Variants in LRRC4C observed in about 807,000 individuals in gnomAD.
LRRC4C encodes leucine rich repeat containing 4C, also known as leucine-rich repeat-containing protein 4C.
A neutral mutation model predicts 33.6 loss-of-function variants in LRRC4C; 5 were observed. That is an observed-to-expected ratio of 0.15 (90% CI 0.08 to 0.31). The LOEUF (loss-of-function observed/expected upper bound fraction) is 0.31. LRRC4C is among the 10% of genes least tolerant of loss of function. LRRC4C has a pLI of 1.00. For synonymous variants in LRRC4C, 329 were observed against 302.0 expected, an observed-to-expected ratio of 1.09 and a Z score of -0.93; for missense variants, 560 against 796.7, an observed-to-expected ratio of 0.70 and a Z score of 3.58.
chr11:40,903,524 T>G (rs933086720), intron 2 of LRRC4C, among the ~76,000 whole-genome samples: 9 of 152,170 alleles, frequency 5.9e-5, no homozygotes, highest in African/African-American at 2.2e-4. Context: ...ATTTATCTGG[T>G]GGATGTAAGC....
At chr11:40,661,610 A>G (rs1943443129) in intron 2 of LRRC4C, among the ~76,000 whole-genome samples, 1 of 152,210 alleles carries the variant, frequency 6.6e-6, no homozygotes, top group Admixed American at 6.5e-5. Flanking sequence ...GAAGGTGGTA[A>G]TAATGGTATT....
At chr11:40,674,515 G>C (rs1444108288) in intron 2 of LRRC4C, among the ~76,000 whole-genome samples, 1 of 152,148 alleles carries the variant, frequency 6.6e-6, no homozygotes, top group Non-Finnish European at 1.5e-5. Flanking sequence ...GGGCTCTTAG[G>C]TGAATAACAG....
intron 2 of LRRC4C, among the ~76,000 whole-genome samples, chr11:40,874,116 C>T (rs1053216141): frequency 2.6e-5 from 4 of 152,144 alleles, no homozygotes; most frequent in East Asian, 1.9e-4. Flanking sequence ...AATATTGGAA[C>T]ATGGTTTTTC....
chr11:41,059,744 T>C (rs1165082312), intron 1 of LRRC4C, among the ~76,000 whole-genome samples: 1 of 152,066 alleles, frequency 6.6e-6, no homozygotes. Flanking sequence ...TTGTTAGAAA[T>C]GCAGAATCTC....
chr11:40,967,902 A>T (rs893492372), intron 1 of LRRC4C, among the ~76,000 whole-genome samples: 1 of 151,948 alleles, frequency 6.6e-6, no homozygotes, highest in African/African-American at 2.4e-5. Flanking sequence ...ACCAATTAAT[A>T]AGCTACCAAT....
chr11:40,800,157 T>C (rs1175610679), intron 2 of LRRC4C, among the ~76,000 whole-genome samples: 1 of 152,240 alleles, frequency 6.6e-6, no homozygotes, highest in Non-Finnish European at 1.5e-5. Flanking sequence ...GTTTTCTTTT[T>C]ATAAGCTCTC....
At chr11:40,869,559 G>A (rs1477316624) in intron 2 of LRRC4C, among the ~76,000 whole-genome samples, 1 of 152,088 alleles carries the variant, frequency 6.6e-6, no homozygotes, top group African/African-American at 2.4e-5. Flanking sequence ...TTCACTAAAA[G>A]GCAAAATGGC....
chr11:41,139,735 T>C (rs1489319356), intron 1 of LRRC4C, among the ~76,000 whole-genome samples: 1 of 152,078 alleles, frequency 6.6e-6, no homozygotes, highest in Non-Finnish European at 1.5e-5. Flanking sequence ...TTGGATCCCT[T>C]TCTTTAAATG....
intron 3 of LRRC4C, among the ~76,000 whole-genome samples, chr11:40,443,584 T>C (rs1951491466): frequency 6.6e-6 from 1 of 152,200 alleles, no homozygotes; most frequent in East Asian, 1.9e-4. Context: ...TTGGTCATTC[T>C]CAGTAAAGTA....
intron 3 of LRRC4C, among the ~76,000 whole-genome samples, chr11:40,340,300 T>C (rs747149582): frequency 8.3e-4 from 126 of 152,282 alleles, no homozygotes; most frequent in Non-Finnish European, 1.5e-3. Context: ...CAACAGGCCA[T>C]GTACAGTTCA....
intron 2 of LRRC4C, among the ~76,000 whole-genome samples, chr11:40,668,695 C>A (rs1441886926): frequency 1.3e-5 from 2 of 152,126 alleles, no homozygotes; most frequent in East Asian, 3.8e-4. Context: ...GTAAACCTTG[C>A]AGACCTCTCA....
intron 6 of LRRC4C, among the ~76,000 whole-genome samples, chr11:40,126,436 G>A (rs207471812): frequency 5.3e-4 from 81 of 152,100 alleles, no homozygotes; most frequent in Non-Finnish European, 6.8e-4. Flanking sequence ...CACCAACATG[G>A]GGTCATGTGC....
intron 5 of LRRC4C, among the ~76,000 whole-genome samples, chr11:40,211,622 G>C (rs1863612618): frequency 6.6e-6 from 1 of 152,104 alleles, no homozygotes; most frequent in Admixed American, 6.6e-5. Context: ...GGTTTGCTTT[G>C]GGGCCTACAC....
chr11:40,787,796 G>C (rs1477055348), intron 2 of LRRC4C, among the ~76,000 whole-genome samples: 1 of 152,144 alleles, frequency 6.6e-6, no homozygotes, highest in East Asian at 1.9e-4. Flanking sequence ...GTCTAACCAT[G>C]CTTTTTCCAA....
intron 1 of LRRC4C, among the ~76,000 whole-genome samples, chr11:40,938,184 G>A (rs544340740): frequency 6.6e-6 from 1 of 152,260 alleles, no homozygotes; most frequent in South Asian, 2.1e-4. Context: ...ACAGGCGCAG[G>A]TCTCCTCCAG....
intron 2 of LRRC4C, among the ~76,000 whole-genome samples, chr11:40,926,706 G>T (rs1487227293): frequency 6.6e-6 from 1 of 151,726 alleles, no homozygotes; most frequent in Non-Finnish European, 1.5e-5. Context: ...AAGTTCCAGG[G>T]TACTTCTAAT....
chr11:40,497,515 G>A (rs1954526568), intron 3 of LRRC4C, among the ~76,000 whole-genome samples: 1 of 152,076 alleles, frequency 6.6e-6, no homozygotes, highest in African/African-American at 2.4e-5. Context: ...AAAGGTAAGG[G>A]TGAAGAGAAA....
intron 3 of LRRC4C, among the ~76,000 whole-genome samples, chr11:40,603,587 C>G (rs1960248098): frequency 6.6e-6 from 1 of 152,126 alleles, no homozygotes; most frequent in South Asian, 2.1e-4. Context: ...AGATGGTGTA[C>G]AGAAATTTGA....
chr11:40,879,512 G>A (rs961474547), intron 2 of LRRC4C, among the ~76,000 whole-genome samples: 1 of 152,174 alleles, frequency 6.6e-6, no homozygotes, highest in Non-Finnish European at 1.5e-5. Flanking sequence ...CAGAGGGGAA[G>A]TCTGAAACTC....
Sources: allele counts gnomAD v4.1 joint callset (sites outside exome capture counted in the v4.1 genomes callset), GRCh38; gene constraint gnomAD v4.1.1; transcripts MANE v1.5; gene names NCBI Gene and HGNC (gene_info 2026-07-23, HGNC 2026-07-21).